Variants in CRAMP1 observed in about 807,000 individuals in gnomAD.
CRAMP1 encodes the protein cramped chromatin regulator 1.
Under a neutral mutation model 115.4 loss-of-function variants are expected in CRAMP1, and 50 were observed. That is an observed-to-expected ratio of 0.43 (90% CI 0.35 to 0.55). The LOEUF (loss-of-function observed/expected upper bound fraction) is 0.55. Among genes scored for constraint, CRAMP1 ranks in the 20% least tolerant of loss-of-function variants. CRAMP1 has a pLI of 0.01. For missense variants in CRAMP1, 1,679 were observed against 1,721.7 expected (o/e 0.98, Z 0.44); for synonymous variants, 866 against 745.4 (o/e 1.16, Z -2.64).
chr16:1,641,387 A>G (rs1335635103), intron 6 of CRAMP1, among the ~76,000 whole-genome samples, 200 bp downstream of exon 6: 1 of 152,116 alleles, frequency 6.6e-6, no homozygotes, highest in African/African-American at 2.4e-5. Flanking sequence ...TGCCCCGGGG[A>G]GGGAAGGAAG....
At chr16:1,620,384 G>T (rs943289881) in intron 2 of CRAMP1, among the ~76,000 whole-genome samples, 1 of 152,170 alleles carries the variant, frequency 6.6e-6, no homozygotes, top group African/African-American at 2.4e-5. Context: ...CCACGAGCGG[G>T]TGTCGCCAGT....
At chr16:1,613,754 T>G (rs2036386995) in intron 1 of CRAMP1, among the ~76,000 whole-genome samples, 1 of 152,212 alleles carries the variant, frequency 6.6e-6, no homozygotes, top group African/African-American at 2.4e-5. Context: ...TACCGCTTCT[T>G]GCACCTGGAC....
rs60616570 is a variant in CRAMP1 at position 1,663,448 on chromosome 16, T to A, written c.2670+613T>A. On this transcript the variant is annotated intron_variant, in intron 13 of 20. Coordinates refer to ENST00000397412, the MANE Select transcript of CRAMP1 (RefSeq NM_020825.4). ...ATTAGTATATTTACAAATGAGACAT[T>A]GCATGAACGGTCTTAGGAAGAAAGT... Among the ~76,000 whole-genome samples, 917 of 152,350 alleles carry A rather than the reference T, an allele frequency of 6.0e-3. 7 individuals carry two copies. Among genetic ancestry groups the A allele is most frequent in the African/African-American group, 0.021 (879 of 41,574 alleles).
chr16:1,645,486 T>G (rs1311100253), intron 6 of CRAMP1: 1 of 162,484 alleles, frequency 6.2e-6, no homozygotes, highest in Non-Finnish European at 1.4e-5. Context: ...CACTTTGCAT[T>G]CGCGTGGTCC....
At chr16:1,633,954 G>T (rs1259915062) in intron 4 of CRAMP1, among the ~76,000 whole-genome samples, 1 of 151,918 alleles carries the variant, frequency 6.6e-6, no homozygotes, top group Non-Finnish European at 1.5e-5. Context: ...TGTACTCCCA[G>T]CTACTCGGGA....
At chr16:1,628,234 C>T (rs911475184) in intron 3 of CRAMP1, among the ~76,000 whole-genome samples, 8 of 152,264 alleles carry the variant, frequency 5.3e-5, no homozygotes, top group African/African-American at 9.6e-5. Context: ...TGAGAAAGAG[C>T]GAGGGCAAGA....
intron 11 of CRAMP1, among the ~76,000 whole-genome samples, chr16:1,660,777 C>G (rs895950735): frequency 2.0e-5 from 3 of 152,208 alleles, no homozygotes; most frequent in African/African-American, 7.2e-5. Flanking sequence ...GAGGCCAAGG[C>G]TGGTGGATCA....
At position 1,674,062 on chromosome 16, in the gene CRAMP1, C is replaced by T. The variant is rs149931075; in HGVS notation, c.*17C>T. 578 of 1,609,520 alleles carry T rather than the reference C, an allele frequency of 3.6e-4. No homozygotes were observed. The highest frequency in any genetic ancestry group is 4.5e-4 in the Non-Finnish European group (527 of 1,178,566). On this transcript the variant is annotated 3_prime_UTR_variant, in exon 21 of 21. Coordinates refer to ENST00000397412, the MANE Select transcript of CRAMP1 (RefSeq NM_020825.4). ...TCCCAGTGACCACACGTCCTGGTGG[C>T]GGATGAAGCCCTCTTCGAGCTAGAG...
intron 13 of CRAMP1, among the ~76,000 whole-genome samples, chr16:1,664,806 C>T (rs1490159344): frequency 6.6e-6 from 1 of 151,622 alleles, no homozygotes; most frequent in Non-Finnish European, 1.5e-5. Context: ...GTGGATGACT[C>T]TGACATTCCT....
At chr16:1,635,352 T>C (rs1465864136) in intron 4 of CRAMP1, among the ~76,000 whole-genome samples, 1 of 152,240 alleles carries the variant, frequency 6.6e-6, no homozygotes, top group East Asian at 1.9e-4. Context: ...TTCGTCTTAC[T>C]AATCTCCCGT....
intron 6 of CRAMP1, among the ~76,000 whole-genome samples, chr16:1,644,063 A>T (rs1341365841): frequency 6.6e-6 from 1 of 152,204 alleles, no homozygotes; most frequent in Non-Finnish European, 1.5e-5. Flanking sequence ...GTGGGCGCTG[A>T]TGGGGAATTT....
Position 1,672,738 on chromosome 16 carries a change from C to A in CRAMP1, c.3646-1143C>A, listed in dbSNP as rs182337664. ...AATGGCCCCTGTCCTCATGAGGCTT[C>A]TACTCTAGAGCAGGACGCAGACAAT... On this transcript the variant is annotated intron_variant, in intron 20 of 20. Transcript: ENST00000397412. This position sits in a 1 kb window ranked among gnomAD's most constrained non-coding sequence, Gnocchi z 4.9. 2.9e-3 allele frequency among the ~76,000 whole-genome samples: 445 copies of A among 152,166 alleles called. 1 individual carries two copies. The highest frequency in any genetic ancestry group is 8.9e-3 in the African/African-American group (369 of 41,492).
chr16:1,666,182 GTCTGTACCTGCATGGCCACAGCCAC>G lies in CRAMP1; in HGVS notation c.2857+7_2857+31del. The G allele has an allele frequency of 6.3e-7, 1 of 1,585,682 alleles. No individual in the cohort carries two copies. The highest frequency in any genetic ancestry group is 8.6e-7 in the Non-Finnish European group (1 of 1,160,220). ...AGGCCACGAGTCACCTGGCCAGTAA[GTCTGTACCTGCATGGCCACAGCCAC>G]TGAGTGAGCCTCTGAGGGATGTTTT... On this transcript the variant is annotated splice_donor_region_variant and intron_variant, in intron 15 of 20. Coordinates refer to ENST00000397412, the MANE Select transcript of CRAMP1 (RefSeq NM_020825.4). The surrounding 1 kb of genome is among the most constrained non-coding windows in gnomAD (Gnocchi z 5.0).
rs2036932719 is a variant in CRAMP1, at chr16:1,672,789, G to GTATT, written c.3646-1090_3646-1087dup. ...AAGCGCTGAAAACGGCACATTCTAC[G>GTATT]TATTTGCTCATGGGACAAGATCCCG... On this transcript the variant is annotated intron_variant, in intron 20 of 20. Coordinates refer to ENST00000397412, the MANE Select transcript of CRAMP1 (RefSeq NM_020825.4). The surrounding 1 kb of genome is among the most constrained non-coding windows in gnomAD (Gnocchi z 4.9). Among the ~76,000 whole-genome samples, 1 of 152,122 alleles carries GTATT rather than the reference G, an allele frequency of 6.6e-6. No homozygotes were observed. Among genetic ancestry groups the GTATT allele is most frequent in the Non-Finnish European group, 1.5e-5 (1 of 68,032 alleles).
intron 4 of CRAMP1, among the ~76,000 whole-genome samples, chr16:1,637,100 C>A (rs1182069782): frequency 6.6e-6 from 1 of 152,178 alleles, no homozygotes; most frequent in African/African-American, 2.4e-5. Flanking sequence ...CGAGACCAGC[C>A]TGGCCCACAT....
Position 1,676,439 on chromosome 16 carries a change from C to T in CRAMP1, c.*2394C>T, listed in dbSNP as rs2036968832. 6.6e-6 allele frequency: 1 copy of T among 152,264 alleles called. No individual in the cohort carries two copies. Among genetic ancestry groups the T allele is most frequent in the Non-Finnish European group, 1.5e-5 (1 of 68,048 alleles). 9.4% of individuals were successfully genotyped at this position (152,264 alleles called of 1,614,324 possible). On this transcript the variant is annotated 3_prime_UTR_variant, in exon 21 of 21. Coordinates refer to ENST00000397412, the MANE Select transcript of CRAMP1 (RefSeq NM_020825.4). The stretch of plus-strand genomic sequence containing the variant: ...ATTTGTTGCAGAAAAACAATGGATA[C>T]ATTTTCTTCTGGCCTAAATGAATAT...
Position 1,672,967 on chromosome 16 carries a change from T to C in CRAMP1, c.3646-914T>C, listed in dbSNP as rs1020571617. The stretch of plus-strand genomic sequence containing the variant: ...TCTTTAAAAAGGAACGTACTCCCCA[T>C]GTGTCCTCATGTCTCTGACGGGAAC... On this transcript the variant is annotated intron_variant, in intron 20 of 20. Transcript: ENST00000397412. This position sits in a 1 kb window ranked among gnomAD's most constrained non-coding sequence, Gnocchi z 4.9. Among the ~76,000 whole-genome samples the C allele has an allele frequency of 1.3e-5, 2 of 152,186 alleles. No individual in the cohort carries two copies. Among genetic ancestry groups the C allele is most frequent in the South Asian group, 2.1e-4 (1 of 4,830 alleles).
chr16:1,647,199 T>C (rs2036682516), intron 6 of CRAMP1: 2 of 607,082 alleles, frequency 3.3e-6, no homozygotes, highest in Non-Finnish European at 5.9e-6. Context: ...TCTTTGGTTT[T>C]AGAATTGTAA....
At chr16:1,621,779 C>T (rs997260887) in intron 2 of CRAMP1, among the ~76,000 whole-genome samples, 3 of 152,128 alleles carry the variant, frequency 2.0e-5, no homozygotes, top group East Asian at 3.8e-4. Flanking sequence ...GCAGGCTTCT[C>T]GATGGTTCTC....
Sources: gnomAD v4.1 joint callset for allele counts (sites outside exome capture counted in the v4.1 genomes callset) on GRCh38, gnomAD v4.1.1 for gene constraint, Gnocchi (gnomAD v3.1) non-coding constraint, MANE v1.5 for transcripts, NCBI Gene and HGNC (gene_info 2026-07-23, HGNC 2026-07-21) for gene names.